PRDM16: variants seen among roughly 807,000 people sequenced by gnomAD.
The protein encoded by PRDM16 is PR/SET domain 16.
Under a neutral mutation model 110.6 loss-of-function variants are expected in PRDM16, and 23 were observed. The observed-to-expected ratio is 0.21, with a 90% CI of 0.15 to 0.29. The LOEUF (loss-of-function observed/expected upper bound fraction) is 0.29. Among genes scored for constraint, PRDM16 ranks in the 10% least tolerant of loss-of-function variants. The probability of loss-of-function intolerance (pLI) is 1.00; values close to 1 mark genes in which losing one functional copy is unlikely to be tolerated. For missense variants in PRDM16, 1,615 were observed against 1,794.3 expected (o/e 0.90, Z 1.81); for synonymous variants, 799 against 781.8 (o/e 1.02, Z -0.37).
At chr1:3,225,021 C>G (rs1252601360) in intron 2 of PRDM16, among the ~76,000 whole-genome samples, 1 of 152,236 alleles carries the variant, frequency 6.6e-6, no homozygotes, top group Non-Finnish European at 1.5e-5. Context: ...TGCGTTCCTC[C>G]TGAGGTGGGG....
intron 1 of PRDM16, among the ~76,000 whole-genome samples, chr1:3,181,100 A>G (rs184499927): frequency 0.011 from 204 of 17,750 alleles, 1 homozygote; most frequent in South Asian, 0.032. Context: ...TTACACACGC[A>G]GTCTTACACG....
rs1385229525 is a variant in PRDM16, at chr1:3,430,981, G to T, written c.3394G>T (p.Asp1132Tyr). 1 of 1,609,406 alleles carries T rather than the reference G, an allele frequency of 6.2e-7. No homozygotes were observed. Among genetic ancestry groups the T allele is most frequent in the African/African-American group, 1.3e-5 (1 of 74,828 alleles). ...DDDDLEEDDE[D>Y]SLAGKSQDDT... The stretch of plus-strand genomic sequence containing the variant: ...CGATGACCTGGAGGAGGACGATGAG[G>T]ACAGCCTGGCCGGGAAGTCGCAGGA... Residue 1132 changes from aspartate to tyrosine, a missense_variant, in exon 15 of 17, where the codon GAC becomes TAC. Around this residue, in one of 5 missense-constraint regions of PRDM16, gnomAD observed 327 missense variants for 359.3 expected, o/e 0.91. Transcript: ENST00000270722.
chr1:3,238,608 C>T (rs562772873), intron 2 of PRDM16, among the ~76,000 whole-genome samples: 23 of 152,308 alleles, frequency 1.5e-4, no homozygotes, highest in Admixed American at 1.2e-3. Context: ...GAGCCAGAGG[C>T]GGGGCGGCCG....
chr1:3,083,778 C>T (rs1642086155), intron 1 of PRDM16, among the ~76,000 whole-genome samples: 1 of 152,212 alleles, frequency 6.6e-6, no homozygotes, highest in South Asian at 2.1e-4. Flanking sequence ...ATCCACCTGA[C>T]CTTCCGACTG....
chr1:3,217,422 C>T (rs971859394), intron 2 of PRDM16, among the ~76,000 whole-genome samples: 7 of 152,218 alleles, frequency 4.6e-5, no homozygotes, highest in Non-Finnish European at 1.0e-4. Flanking sequence ...CTCATGGGAA[C>T]AGCCCTCCTG....
rs754668340 is a variant in PRDM16 at position 3,411,874 on chromosome 1, C to A, written c.1677C>A (p.Val559=). 15 of 1,612,688 alleles carry A rather than the reference C, an allele frequency of 9.3e-6. No individual in the cohort carries two copies. Among genetic ancestry groups the A allele is most frequent in the Non-Finnish European group, 1.2e-5 (14 of 1,179,212 alleles). ...SPLGNPALPL[V]SAVSNSSQGT... ...TGGGGAACCCAGCCCTGCCCCTGGT[C>A]TCCGCCGTCAGCAACAGCAGCCAGG... Residue 559 remains valine, a synonymous_variant, in exon 9 of 17, where the codon GTC becomes GTA. Coordinates refer to ENST00000270722, the MANE Select transcript of PRDM16 (RefSeq NM_022114.4).
rs1315804442 is a variant in PRDM16, at chr1:3,350,881, C to A, written c.439-34271C>A. ...TTCTGGCTGGGGGATATACACCCCC[C>A]AGTCCTTGCAGAGCCCACTCTGAAG... On this transcript the variant is annotated intron_variant, in intron 3 of 16. Transcript: ENST00000270722. This position sits in a 1 kb window ranked among gnomAD's most constrained non-coding sequence, Gnocchi z 7.1. Among the ~76,000 whole-genome samples the A allele has an allele frequency of 6.6e-6, 1 of 152,196 alleles. No homozygotes were observed. Among genetic ancestry groups the A allele is most frequent in the Non-Finnish European group, 1.5e-5 (1 of 68,038 alleles).
intron 3 of PRDM16, among the ~76,000 whole-genome samples, chr1:3,293,740 T>C (rs1379409084): frequency 6.6e-6 from 1 of 152,190 alleles, no homozygotes; most frequent in African/African-American, 2.4e-5. Context: ...GCACGGCTGT[T>C]TGTGCAGGAT....
At chr1:3,180,271 T>TAG (rs2100776818) in intron 1 of PRDM16, among the ~76,000 whole-genome samples, 1 of 152,118 alleles carries the variant, frequency 6.6e-6, no homozygotes, top group East Asian at 1.9e-4. Flanking sequence ...TCATGAAGTA[T>TAG]GTTCTGCTGT....
At chr1:3,420,429 G>A (rs553503777) in intron 12 of PRDM16, among the ~76,000 whole-genome samples, 162 of 152,358 alleles carry the variant, frequency 1.1e-3, no homozygotes, top group Admixed American at 3.1e-3. Context: ...TGTGCCCGCC[G>A]CATGTGCATA....
At chr1:3,228,717 C>T (rs1183544353) in intron 2 of PRDM16, among the ~76,000 whole-genome samples, 1 of 152,214 alleles carries the variant, frequency 6.6e-6, no homozygotes, top group East Asian at 1.9e-4. Flanking sequence ...AGAACCAGTA[C>T]CACCTAGTTC....
chr1:3,210,527 G>C (rs1638859383), intron 2 of PRDM16, among the ~76,000 whole-genome samples: 1 of 152,242 alleles, frequency 6.6e-6, no homozygotes, highest in Admixed American at 6.5e-5. Flanking sequence ...TTTCACGTCT[G>C]ATTCCACTTA....
intron 5 of PRDM16, among the ~76,000 whole-genome samples, chr1:3,402,199 G>C (rs913735642): frequency 2.0e-5 from 3 of 152,154 alleles, no homozygotes; most frequent in East Asian, 1.9e-4. Context: ...TTGTTGGGGG[G>C]GTCTCCCGTC....
In PRDM16 at chr1:3,132,932, G is replaced by A. The variant is rs548095605; in HGVS notation, c.38-53193G>A. 2.0e-5 allele frequency: 3 copies of A among 152,360 alleles called. No individual in the cohort carries two copies. In the East Asian group the frequency reaches 5.8e-4, roughly 29 times the overall value. 9.4% of individuals were successfully genotyped at this position (152,360 alleles called of 1,614,324 possible). A position where few individuals can be genotyped will look rare whatever the true frequency, so the allele number is the denominator to read the frequency against. ...ACTGTGAATCTGTCCCAGACTTACA[G>A]AAGATGGACCTGTAATTGACACTGT... On this transcript the variant is annotated intron_variant, in intron 1 of 16. Coordinates refer to ENST00000270722, the MANE Select transcript of PRDM16 (RefSeq NM_022114.4).
intron 1 of PRDM16, among the ~76,000 whole-genome samples, chr1:3,084,828 G>T (rs1024540721): frequency 4.6e-5 from 7 of 152,190 alleles, no homozygotes; most frequent in Non-Finnish European, 8.8e-5. Context: ...CAGGCTGTCG[G>T]GGGGCAGGCC....
At chr1:3,147,754 C>G (rs1312767587) in intron 1 of PRDM16, among the ~76,000 whole-genome samples, 3 of 152,182 alleles carry the variant, frequency 2.0e-5, no homozygotes, top group African/African-American at 4.8e-5. Flanking sequence ...GCCACCTCCC[C>G]CAGGGTTCTT....
intron 1 of PRDM16, among the ~76,000 whole-genome samples, chr1:3,085,058 G>A (rs762915392): frequency 2.6e-5 from 4 of 152,128 alleles, no homozygotes; most frequent in Admixed American, 1.3e-4. Flanking sequence ...GTCCCCAGCC[G>A]CACCTCTCTG....
intron 3 of PRDM16, among the ~76,000 whole-genome samples, chr1:3,259,850 G>A (rs1298957276): frequency 6.6e-6 from 1 of 152,082 alleles, no homozygotes; most frequent in African/African-American, 2.4e-5. Context: ...GGTCCCAGCT[G>A]TCCCTCCCTC....
chr1:3,413,078 C>T (rs1643720777), intron 9 of PRDM16, among the ~76,000 whole-genome samples: 1 of 152,116 alleles, frequency 6.6e-6, no homozygotes. Flanking sequence ...CCGATGACCA[C>T]TCAGACATCA....
Sources: gnomAD v4.1 joint callset for allele counts (sites outside exome capture counted in the v4.1 genomes callset) on GRCh38, gnomAD v4.1.1 for gene constraint, gnomAD v4.1.1 regional missense constraint, Gnocchi (gnomAD v3.1) non-coding constraint, MANE v1.5 for transcripts, NCBI Gene and HGNC (gene_info 2026-07-23, HGNC 2026-07-21) for gene names.